UBR2: variants seen among roughly 807,000 people sequenced by gnomAD.
UBR2 encodes the protein ubiquitin protein ligase E3 component n-recognin 2.
Under a neutral mutation model 247.9 loss-of-function variants are expected in UBR2, and 92 were observed. The observed-to-expected ratio is 0.37, with a 90% CI of 0.31 to 0.44. UBR2 has a LOEUF of 0.44. UBR2 is among the 20% of genes least tolerant of loss of function. UBR2 has a pLI of 1.00. For synonymous variants in UBR2, 672 were observed against 693.5 expected (o/e 0.97, Z 0.49); for missense variants, 1,613 against 2,112.6 (o/e 0.76, Z 4.64).
At position 42,659,740 on chromosome 6, in the gene UBR2, A is replaced by G. The variant is rs1311862013; in HGVS notation, c.3327A>G (p.Ile1109Met). 2 of 1,614,062 alleles carry G rather than the reference A, an allele frequency of 1.2e-6. No individual in the cohort carries two copies. Among genetic ancestry groups the G allele is most frequent in the Middle Eastern group, 1.6e-4 (1 of 6,084 alleles). Residue 1109 changes from isoleucine to methionine, a missense_variant, in exon 30 of 47, where the codon ATA becomes ATG. By Grantham distance (10) the Ile-to-Met change is conservative. Transcript: ENST00000372901. The surrounding 1 kb of genome is among the most constrained non-coding windows in gnomAD (Gnocchi z 4.3). ...VPEQRQFVTC[I>M]LCQEEQEVKV... ...AACAAAGACAATTCGTTACATGTAT[A>G]TTGTGTCAAGAGGAGCAAGAAGTTA...
intron 3 of UBR2, among the ~76,000 whole-genome samples, chr6:42,593,631 G>T (rs1792799648): frequency 6.6e-6 from 1 of 152,134 alleles, no homozygotes; most frequent in Admixed American, 6.5e-5. Flanking sequence ...AACATTGCAG[G>T]TGGTGAAAAG....
chr6:42,627,551 G>T (rs1795431184), intron 11 of UBR2, among the ~76,000 whole-genome samples: 1 of 152,118 alleles, frequency 6.6e-6, no homozygotes, highest in African/African-American at 2.4e-5. Flanking sequence ...AGGCTAGAGT[G>T]CAGTGGTGCA....
chr6:42,615,317 A>G lies in UBR2; in HGVS notation c.1093+139A>G, dbSNP rs2151939002. ...TTAGCATTGCAGTCTTAGTCTTTGA[A>G]AAATATAGATTTGGTGGGGTGGGGT... On this transcript the variant is annotated intron_variant, in intron 9 of 46. Coordinates refer to ENST00000372901, the MANE Select transcript of UBR2 (RefSeq NM_001363705.2). 5.6e-6 allele frequency: 3 copies of G among 535,250 alleles called. No individual in the cohort carries two copies. The East Asian group carries it at 1.0e-4, about 18-fold the overall frequency. The allele number at this position is 535,250 out of a possible 1,614,324, so 33.2% of individuals were successfully genotyped here.
chr6:42,643,264 T>C (rs1032815653), intron 18 of UBR2, among the ~76,000 whole-genome samples: 2 of 152,134 alleles, frequency 1.3e-5, no homozygotes, highest in African/African-American at 4.8e-5. Context: ...ACATAGTAGT[T>C]GTTCTCTGAT....
intron 2 of UBR2, among the ~76,000 whole-genome samples, chr6:42,585,102 C>G (rs1021640095): frequency 1.3e-5 from 2 of 152,096 alleles, no homozygotes; most frequent in African/African-American, 4.8e-5. Context: ...ACTTTTATCT[C>G]ATTGAGGAAG....
At chr6:42,583,207 T>C (rs142634434) in intron 2 of UBR2, among the ~76,000 whole-genome samples, 60 of 152,342 alleles carry the variant, frequency 3.9e-4, no homozygotes, top group African/African-American at 1.4e-3. Context: ...CTCTGCCTTC[T>C]CTCAAATGGC....
intron 4 of UBR2, among the ~76,000 whole-genome samples, chr6:42,595,791 C>A (rs1448930673): frequency 1.3e-5 from 2 of 150,862 alleles, no homozygotes; most frequent in Non-Finnish European, 2.9e-5. Context: ...TCAGAATGAC[C>A]AAAGCTTTTG....
intron 2 of UBR2, among the ~76,000 whole-genome samples, chr6:42,589,363 G>A (rs572269495): frequency 1.3e-5 from 2 of 152,234 alleles, no homozygotes; most frequent in South Asian, 4.2e-4. Flanking sequence ...AGCATACATG[G>A]GATAAATTCT....
intron 30 of UBR2, among the ~76,000 whole-genome samples, chr6:42,661,750 G>A (rs1351846500): frequency 6.6e-6 from 1 of 151,980 alleles, no homozygotes; most frequent in Non-Finnish European, 1.5e-5. Context: ...TCTAGGGGGC[G>A]CCCCGTTACT....
intron 2 of UBR2, among the ~76,000 whole-genome samples, chr6:42,581,207 C>G (rs529713813): frequency 1.3e-5 from 2 of 149,014 alleles, no homozygotes; most frequent in African/African-American, 4.9e-5. Context: ...TTTTTTTCTC[C>G]GAGACGGAGT....
intron 13 of UBR2, 43 bp downstream of exon 13, chr6:42,632,947 TTCTC>T: frequency 4.3e-6 from 5 of 1,172,854 alleles, no homozygotes; most frequent in Non-Finnish European, 5.7e-6. Flanking sequence ...TTTTTTTTTT[TTCTC>T]TTTTCTCTTT....
intron 11 of UBR2, among the ~76,000 whole-genome samples, chr6:42,624,338 G>GC (rs1554253381): frequency 1.2e-4 from 10 of 83,048 alleles, no homozygotes; most frequent in Middle Eastern, 0.013. Context: ...TTGAGTTGGT[G>GC]GGGGGGGTGT....
chr6:42,666,910 C>T (rs1433708396), intron 34 of UBR2, among the ~76,000 whole-genome samples: 1 of 152,174 alleles, frequency 6.6e-6, no homozygotes, highest in African/African-American at 2.4e-5. Context: ...ATTGCTTGAC[C>T]TCTGTGTACC....
rs1256974275 is a variant in UBR2 at position 42,670,659 on chromosome 6, GA to G, written c.4033del (p.Arg1345GlufsTer3). 7 of 1,600,162 alleles carry G rather than the reference GA, an allele frequency of 4.4e-6. No individual in the cohort carries two copies. The highest frequency in any genetic ancestry group is 1.7e-6 in the Non-Finnish European group (2 of 1,171,478). On this transcript the variant is annotated frameshift_variant and splice_region_variant, in exon 36 of 47. Coordinates refer to ENST00000372901, the MANE Select transcript of UBR2 (RefSeq NM_001363705.2). LOFTEE classifies it high-confidence loss of function. ...GSCAYTIQSI[E>X]RILSDEDKPL... ...CCATTTTAACCATCTTTAATCTGTA[GA>G]AAGAATTTTGAGTGATGAAGATAAA... is the stretch of plus-strand genomic sequence containing the variant.
At chr6:42,593,458 G>A (rs564515872) in intron 3 of UBR2, among the ~76,000 whole-genome samples, 37 of 152,086 alleles carry the variant, frequency 2.4e-4, no homozygotes, top group African/African-American at 7.7e-4. Context: ...AATATAATAG[G>A]GCTTATTCTA....
chr6:42,568,881 A>G lies in UBR2; in HGVS notation c.78+4484A>G, dbSNP rs149279307. ...ATACCAGTTGAGCATCCTTAATCCA[A>G]AATCCAAATGTTCCAATGAGCACTT... On this transcript the variant is annotated intron_variant, in intron 1 of 46. Coordinates refer to ENST00000372901, the MANE Select transcript of UBR2 (RefSeq NM_001363705.2). Among the ~76,000 whole-genome samples, 71 of 152,318 alleles carry G rather than the reference A, an allele frequency of 4.7e-4. No individual in the cohort carries two copies. The East Asian group carries it at 0.011, about 23-fold the overall frequency.
At chr6:42,588,353 T>C (rs1261795530) in intron 2 of UBR2, among the ~76,000 whole-genome samples, 1 of 152,176 alleles carries the variant, frequency 6.6e-6, no homozygotes, top group African/African-American at 2.4e-5. Context: ...TCCAGCAACT[T>C]GGAAGTTCAT....
At chr6:42,680,564 C>G (rs1367897291) in intron 42 of UBR2, among the ~76,000 whole-genome samples, 3 of 152,166 alleles carry the variant, frequency 2.0e-5, no homozygotes, top group Non-Finnish European at 4.4e-5. Context: ...CAGGCACATG[C>G]CATCACACTC....
chr6:42,648,199 C>A, intron 22 of UBR2, 29 bp downstream of exon 22: 1 of 1,584,758 alleles, frequency 6.3e-7, no homozygotes, highest in Non-Finnish European at 8.7e-7. Flanking sequence ...ATTTCACATT[C>A]TTTTTTACTT....
Sources: gnomAD v4.1 joint callset for allele counts (sites outside exome capture counted in the v4.1 genomes callset) on GRCh38, gnomAD v4.1.1 for gene constraint, Gnocchi (gnomAD v3.1) non-coding constraint, MANE v1.5 for transcripts, NCBI Gene and HGNC (gene_info 2026-07-23, HGNC 2026-07-21) for gene names.